The following DEK variants were observed in gnomAD, a reference collection of about 807,000 sequenced individuals.
DEK encodes the protein DEK proto-oncogene.
In DEK, 28 loss-of-function variants were observed where a neutral mutation model predicts 46.8. That is an observed-to-expected ratio of 0.60 (90% CI 0.44 to 0.82). The LOEUF is 0.82. Among genes scored for constraint, DEK ranks in the 40% least tolerant of loss-of-function variants. The pLI is 0.00. For synonymous variants in DEK, 160 were observed against 144.5 expected (o/e 1.11, Z -0.77); for missense variants, 416 against 430.6 (o/e 0.97, Z 0.30).
intron 9 of DEK, among the ~76,000 whole-genome samples, chr6:18,227,399 G>A (rs930547053): frequency 1.3e-5 from 2 of 152,166 alleles, no homozygotes; most frequent in Non-Finnish European, 2.9e-5. Flanking sequence ...CTAAAGCACA[G>A]CACTTAATTC....
chr6:18,264,231 GCCCGCCCGGCCTGCGCTGTTC>G, intron 1 of DEK, 133 bp downstream of exon 1: 1 of 308,836 alleles, frequency 3.2e-6, no homozygotes, highest in Non-Finnish European at 5.8e-6. Flanking sequence ...GTGCGCGCGC[GCCCGCCCGGCCTGCGCTGTTC>G]CCGGCCCGGC....
chr6:18,243,014 T>C (rs1395895863), intron 7 of DEK, among the ~76,000 whole-genome samples: 2 of 152,094 alleles, frequency 1.3e-5, no homozygotes, highest in Non-Finnish European at 2.9e-5. Context: ...CAGAAACATG[T>C]CCCAAATGAC....
intron 6 of DEK, 38 bp from the exon 7 acceptor site, chr6:18,249,877 T>C: frequency 6.5e-7 from 1 of 1,536,268 alleles, no homozygotes; most frequent in East Asian, 2.3e-5. Context: ...CAATGAGGTA[T>C]AATATTTCAA....
intron 7 of DEK, chr6:18,244,682 A>C: frequency 4.7e-6 from 3 of 635,332 alleles, no homozygotes; most frequent in South Asian, 3.5e-5. Flanking sequence ...AAAACTCAGA[A>C]TGCCAAGAGG....
chr6:18,243,829 G>C (rs1331272250), intron 7 of DEK, among the ~76,000 whole-genome samples: 1 of 152,160 alleles, frequency 6.6e-6, no homozygotes, highest in Non-Finnish European at 1.5e-5. Context: ...AACAGAGCAA[G>C]AACCTCTCTC....
intron 9 of DEK, among the ~76,000 whole-genome samples, chr6:18,231,921 T>G (rs1790431188): frequency 6.6e-6 from 1 of 152,108 alleles, no homozygotes; most frequent in Non-Finnish European, 1.5e-5. Flanking sequence ...ACAAAGAGAA[T>G]TTCAGACCAA....
Position 18,225,369 on chromosome 6 carries a change from A to G in DEK, c.*350T>C, listed in dbSNP as rs1222035263. The G allele has an allele frequency of 3.8e-6, 1 of 266,414 alleles. No homozygotes were observed. Among genetic ancestry groups the G allele is most frequent in the East Asian group, 5.5e-5 (1 of 18,066 alleles). 16.5% of individuals were successfully genotyped at this position (266,414 alleles called of 1,614,324 possible). On this transcript the variant is annotated 3_prime_UTR_variant, in exon 11 of 11. Transcript: ENST00000652689. Reference sequence around the variant, plus strand: ...TCCTGGTGATAATAGTTTTTGTTCTACTTGATTAAAAGTATGCCTTAAGCA... The same window carrying G: ...TCCTGGTGATAATAGTTTTTGTTCTGCTTGATTAAAAGTATGCCTTAAGCA...
intron 7 of DEK, among the ~76,000 whole-genome samples, chr6:18,247,354 C>CA (rs1211930022): frequency 2.0e-5 from 3 of 152,036 alleles, no homozygotes; most frequent in Non-Finnish European, 2.9e-5. Flanking sequence ...GCAAAGGTAG[C>CA]AAAAAAATCC....
chr6:18,260,869 C>T (rs760432849), intron 2 of DEK, among the ~76,000 whole-genome samples: 2 of 151,342 alleles, frequency 1.3e-5, no homozygotes, highest in African/African-American at 4.9e-5. Context: ...GGCATGGTGG[C>T]GCATGCCTGT....
intron 7 of DEK, among the ~76,000 whole-genome samples, chr6:18,248,235 A>AAT (rs1791211207): frequency 6.6e-6 from 1 of 152,216 alleles, no homozygotes; most frequent in Non-Finnish European, 1.5e-5. Context: ...GTAATAATCC[A>AAT]ATATAGAGGT....
At chr6:18,232,311 G>T (rs1445582230) in intron 9 of DEK, among the ~76,000 whole-genome samples, 1 of 152,176 alleles carries the variant, frequency 6.6e-6, no homozygotes, top group Non-Finnish European at 1.5e-5. Context: ...ACAAGACAGG[G>T]ATGCCCTCTC....
intron 9 of DEK, among the ~76,000 whole-genome samples, chr6:18,236,192 G>A (rs1474713474): frequency 1.3e-5 from 2 of 152,146 alleles, no homozygotes; most frequent in African/African-American, 4.8e-5. Context: ...AGTTTCCTAT[G>A]TGGTTTGGAA....
intron 2 of DEK, among the ~76,000 whole-genome samples, chr6:18,258,608 T>G (rs542291958): frequency 6.6e-6 from 1 of 152,174 alleles, no homozygotes; most frequent in African/African-American, 2.4e-5. Context: ...GAGTAACATT[T>G]TACTCACCTG....
At chr6:18,264,141 TC>T in intron 1 of DEK, 145 bp from the exon 2 acceptor site, 4 of 640,550 alleles carry the variant, frequency 6.2e-6, no homozygotes, top group Non-Finnish European at 9.4e-6. Flanking sequence ...CAGCGCTCAG[TC>T]CCCAGGGGCG....
intron 7 of DEK, among the ~76,000 whole-genome samples, chr6:18,249,292 A>G (rs1253330531): frequency 1.3e-5 from 2 of 152,218 alleles, no homozygotes; most frequent in Non-Finnish European, 2.9e-5. Flanking sequence ...AGTCAATTAT[A>G]AAGTATCAAT....
Position 18,225,871 on chromosome 6 carries a change from C to A in DEK, c.1117-141G>T, listed in dbSNP as rs906819549. 4 of 1,031,000 alleles carry A rather than the reference C, an allele frequency of 3.9e-6. No individual in the cohort carries two copies. The Admixed American group carries it at 9.4e-5, about 24-fold the overall frequency. 63.9% of individuals were successfully genotyped at this position (1,031,000 alleles called of 1,614,324 possible). A position where few individuals can be genotyped will look rare whatever the true frequency, so the allele number is the denominator to read the frequency against. ...CAGCTACCTGCTGATCTTCCCCTCA[C>A]CTTTGCCTCGTAGACAGGAACTTCC... On this transcript the variant is annotated intron_variant, in intron 10 of 10. Coordinates refer to ENST00000652689, the MANE Select transcript of DEK (RefSeq NM_003472.4).
intron 9 of DEK, among the ~76,000 whole-genome samples, chr6:18,232,452 T>C (rs542292440): frequency 7.2e-5 from 11 of 152,310 alleles, no homozygotes; most frequent in Admixed American, 3.3e-4. Flanking sequence ...CATGATTCTA[T>C]ATTTAGAAAA....
intron 7 of DEK, among the ~76,000 whole-genome samples, chr6:18,243,282 C>T (rs1790976148): frequency 6.6e-6 from 1 of 151,988 alleles, no homozygotes; most frequent in African/African-American, 2.4e-5. Flanking sequence ...CTAATAAATG[C>T]TTACTGAGTG....
chr6:18,252,142 A>G (rs562098972), intron 6 of DEK, among the ~76,000 whole-genome samples: 50 of 152,216 alleles, frequency 3.3e-4, no homozygotes, highest in Non-Finnish European at 7.2e-4. Flanking sequence ...AAAGCAATCA[A>G]TGATTAATGT....
Sources: allele counts gnomAD v4.1 joint callset (sites outside exome capture counted in the v4.1 genomes callset), GRCh38; gene constraint gnomAD v4.1.1; transcripts MANE v1.5; gene names NCBI Gene and HGNC (gene_info 2026-07-23, HGNC 2026-07-21).